YLPM1: variants seen among roughly 807,000 people sequenced by gnomAD.
The protein encoded by YLPM1 is YLP motif containing 1.
A neutral mutation model predicts 230.0 loss-of-function variants in YLPM1; 99 were observed. The ratio of observed to expected loss-of-function variants is 0.43; its 90% CI spans 0.37 to 0.51. The LOEUF (loss-of-function observed/expected upper bound fraction) is 0.51. YLPM1 is among the 20% of genes least tolerant of loss of function. YLPM1 has a pLI of 0.00. For synonymous variants in YLPM1, 984 were observed against 942.5 expected, an observed-to-expected ratio of 1.04 and a Z score of -0.81; for missense variants, 2,592 against 2,707.7, an observed-to-expected ratio of 0.96 and a Z score of 0.95.
chr14:74,829,287 T>C lies in YLPM1; in HGVS notation c.6238T>C (p.Tyr2080His). The C allele has an allele frequency of 1.2e-6, 2 of 1,613,324 alleles. No individual in the cohort carries two copies. Among genetic ancestry groups the C allele is most frequent in the Non-Finnish European group, 1.7e-6 (2 of 1,179,416 alleles). The change falls in exon 19 of 21, where the codon TAT (tyrosine) becomes CAT (histidine). Residue 2080 changes from tyrosine to histidine, a missense_variant. Coordinates refer to ENST00000325680, the MANE Select transcript of YLPM1 (RefSeq NM_019589.3). ...WEAIASRMEDYLQLPDDYDTR... is the reference protein window; with the variant it reads ...WEAIASRMEDHLQLPDDYDTR... ...GGCCATTGCCAGCAGAATGGAGGAT[T>C]ATCTTCAGCTCCCCGATGATTATGA...
At position 74,763,534 on chromosome 14, in the gene YLPM1, G is replaced by A; in HGVS notation, c.45G>A (p.Pro15=). Residue 15 remains proline, a synonymous_variant, in exon 1 of 21, where the codon CCG becomes CCA. Transcript: ENST00000325680. The part of the protein sequence containing the change: ...WGRYGGSSHY[P]PPPVPPPPPV... ...GGTATGGCGGGAGCAGCCACTATCCGCCGCCACCGGTCCCACCGCCGCCGC... is the reference window on the plus strand; with the variant it reads ...GGTATGGCGGGAGCAGCCACTATCCACCGCCACCGGTCCCACCGCCGCCGC... 6 of 1,501,202 alleles carry A rather than the reference G, an allele frequency of 4.0e-6. No individual in the cohort carries two copies. Among genetic ancestry groups the A allele is most frequent in the East Asian group, 2.5e-5 (1 of 39,216 alleles). 93.0% of individuals were successfully genotyped at this position (1,501,202 alleles called of 1,614,324 possible). A position where few individuals can be genotyped will look rare whatever the true frequency, so the allele number is the denominator to read the frequency against.
intron 4 of YLPM1, among the ~76,000 whole-genome samples, chr14:74,793,695 A>T (rs746182293): frequency 1.3e-5 from 2 of 152,090 alleles, no homozygotes; most frequent in Non-Finnish European, 2.9e-5. Context: ...ACTGATTGGG[A>T]GCTCTGTGTA....
intron 16 of YLPM1, 31 bp downstream of exon 16, chr14:74,818,345 A>C: frequency 6.5e-7 from 1 of 1,533,816 alleles, no homozygotes; most frequent in Non-Finnish European, 8.8e-7. Flanking sequence ...ATGCAATGCA[A>C]AGTGATGTTA....
At chr14:74,786,858 C>T (rs1029328444) in intron 4 of YLPM1, among the ~76,000 whole-genome samples, 50 of 152,096 alleles carry the variant, frequency 3.3e-4, no homozygotes, top group African/African-American at 1.1e-3. Flanking sequence ...ACATGTTCTG[C>T]GTTAATGGGT....
rs2091479341 is a variant in YLPM1 at position 74,816,521 on chromosome 14, T to C, written c.5566-50T>C. ...CAAGAGGGAACTTTGGTGTGAACAT[T>C]AATTTATTCCATAAATTCGTTTTAA... On this transcript the variant is annotated intron_variant, in intron 12 of 20. Transcript: ENST00000325680. The C allele has an allele frequency of 2.6e-6, 4 of 1,564,194 alleles. No homozygotes were observed. The African/African-American group carries it at 4.1e-5, about 16-fold the overall frequency.
intron 11 of YLPM1, 129 bp from the exon 12 acceptor site, chr14:74,816,074 A>G (rs1392239256): frequency 2.8e-6 from 2 of 717,082 alleles, no homozygotes; most frequent in Non-Finnish European, 4.4e-6. Context: ...TTTCAAATTT[A>G]TGAAGGTTTG....
chr14:74,834,268 GA>G (rs1396227914), intron 19 of YLPM1, among the ~76,000 whole-genome samples: 1 of 151,590 alleles, frequency 6.6e-6, no homozygotes, highest in Non-Finnish European at 1.5e-5. Context: ...ATACCAATAG[GA>G]AATATCCCTG....
chr14:74,802,641 T>C lies in YLPM1; in HGVS notation c.4486T>C (p.Leu1496=). 2 of 1,613,256 alleles carry C rather than the reference T, an allele frequency of 1.2e-6. No individual in the cohort carries two copies. Among genetic ancestry groups the C allele is most frequent in the African/African-American group, 1.3e-5 (1 of 75,014 alleles). ...CCATCTACCACCTCAGGAATCAAGA[T>C]TGCAGAATACATCTTCAAGACCTGG... The part of the protein sequence containing the change: ...ADHLPPQESR[L]QNTSSRPGMY... The change falls in exon 6 of 21, where the codon TTG becomes CTG. Residue 1496 remains leucine (L), a synonymous_variant. Transcript: ENST00000325680.
chr14:74,773,795 A>G (rs942150478), intron 1 of YLPM1, among the ~76,000 whole-genome samples: 1 of 131,740 alleles, frequency 7.6e-6, no homozygotes, highest in African/African-American at 3.0e-5. Context: ...ATCTCGGCTC[A>G]CTGCAACCTC....
In YLPM1 at chr14:74,764,358, C is replaced by T. The variant is rs1420690390; in HGVS notation, c.869C>T (p.Pro290Leu). The T allele has an allele frequency of 6.2e-7, 1 of 1,605,172 alleles. No individual in the cohort carries two copies. Residue 290 changes from proline to leucine, a missense_variant, in exon 1 of 21, where the codon CCA (proline) becomes CTA (leucine). By Grantham distance (98) the Pro-to-Leu change is moderately conservative. Coordinates refer to ENST00000325680, the MANE Select transcript of YLPM1 (RefSeq NM_019589.3). Reference protein sequence around the residue: ...APEPDPSTMTPQEQQQYWYRQ... With the variant: ...APEPDPSTMTLQEQQQYWYRQ... ...GAGCCAGATCCCTCTACGATGACTC[C>T]ACAGGTAAGAAAGCATCTGCCTGAA...
chr14:74,771,677 T>C (rs1350258255), intron 1 of YLPM1, among the ~76,000 whole-genome samples: 2 of 152,124 alleles, frequency 1.3e-5, no homozygotes, highest in African/African-American at 4.8e-5. Flanking sequence ...TGTAGATTAT[T>C]GTTGACCTTG....
At chr14:74,816,805 A>G (rs1332919456) in intron 13 of YLPM1, 115 bp downstream of exon 13, 2 of 1,435,860 alleles carry the variant, frequency 1.4e-6, no homozygotes, top group African/African-American at 2.9e-5. Context: ...TTCCGAACAC[A>G]GTACTTTAGT....
At chr14:74,765,111 T>C (rs1026794840) in intron 1 of YLPM1, among the ~76,000 whole-genome samples, 1 of 152,176 alleles carries the variant, frequency 6.6e-6, no homozygotes, top group East Asian at 1.9e-4. Flanking sequence ...TAAAAAAAGT[T>C]TGGTGATATC....
chr14:74,810,775 G>A (rs1440299872), intron 9 of YLPM1, among the ~76,000 whole-genome samples: 1 of 151,948 alleles, frequency 6.6e-6, no homozygotes. Context: ...GCCAGCCAAG[G>A]AAAAGGGAAA....
chr14:74,802,559 A>G lies in YLPM1; in HGVS notation c.4404A>G (p.Glu1468=), dbSNP rs185734577. 1,003 of 1,611,668 alleles carry G rather than the reference A, an allele frequency of 6.2e-4. No individual in the cohort carries two copies. The highest frequency in any genetic ancestry group is 7.1e-4 in the Non-Finnish European group (842 of 1,179,218). The change falls in exon 6 of 21, where the codon GAA becomes GAG. Residue 1468 remains glutamate, a synonymous_variant. Coordinates refer to ENST00000325680, the MANE Select transcript of YLPM1 (RefSeq NM_019589.3). ...TGTCAATTTTATTTGTTTGCAGGGA[A>G]CAGAAAGAACAGCTTCAAAAGATGA... ...KAAQELKMLR[E]QKEQLQKMKD...
rs1421679229 is a variant in YLPM1 at position 74,781,950 on chromosome 14, C to T, written c.1907C>T (p.Pro636Leu). ...SATPPPGIPP[P>L]GVPQGIPPQL... ...ACACCTCCTCCAGGAATACCTCCCC[C>T]TGGAGTTCCACAAGGGATACCTCCT... Residue 636 changes from proline to leucine, a missense_variant, in exon 4 of 21, where the codon CCT (proline) becomes CTT (leucine). Physicochemically the swap from Pro to Leu is moderately conservative, Grantham distance 98. Coordinates refer to ENST00000325680, the MANE Select transcript of YLPM1 (RefSeq NM_019589.3). 1.2e-6 allele frequency: 2 copies of T among 1,613,704 alleles called. No homozygotes were observed. Among genetic ancestry groups the T allele is most frequent in the Non-Finnish European group, 1.7e-6 (2 of 1,179,720 alleles).
At chr14:74,773,987 C>G (rs2091006756) in intron 1 of YLPM1, among the ~76,000 whole-genome samples, 1 of 152,098 alleles carries the variant, frequency 6.6e-6, no homozygotes, top group Non-Finnish European at 1.5e-5. Context: ...TCCCAAAGTA[C>G]TGGGATTACA....
chr14:74,785,801 C>G (rs778273841), intron 4 of YLPM1, among the ~76,000 whole-genome samples: 1 of 152,068 alleles, frequency 6.6e-6, no homozygotes, highest in South Asian at 2.1e-4. Flanking sequence ...TTTATAAAAA[C>G]GAGATTTCTA....
intron 11 of YLPM1, among the ~76,000 whole-genome samples, chr14:74,813,485 T>C (rs1180167132): frequency 6.6e-6 from 1 of 152,098 alleles, no homozygotes. Flanking sequence ...CAAGGGTAAC[T>C]CCCTAATCAC....
Sources: allele counts gnomAD v4.1 joint callset (sites outside exome capture counted in the v4.1 genomes callset), GRCh38; gene constraint gnomAD v4.1.1; transcripts MANE v1.5; gene names NCBI Gene and HGNC (gene_info 2026-07-23, HGNC 2026-07-21).